The following METTL2B variants were observed in gnomAD, a reference collection of about 807,000 sequenced individuals.
The protein encoded by METTL2B is methyltransferase 2B, tRNA N3-cytidine.
Under a neutral mutation model 51.0 loss-of-function variants are expected in METTL2B, and 28 were observed. That is an observed-to-expected ratio of 0.55 (90% CI 0.41 to 0.75). The LOEUF (loss-of-function observed/expected upper bound fraction) is 0.75, where lower values mean the gene tolerates loss of function less well. METTL2B is among the 30% of genes least tolerant of loss of function. The probability of loss-of-function intolerance (pLI) is 0.00; values close to 1 mark genes in which losing one functional copy is unlikely to be tolerated. For missense variants in METTL2B, 313 were observed against 460.7 expected, an observed-to-expected ratio of 0.68 and a Z score of 2.93; for synonymous variants, 128 against 166.3, an observed-to-expected ratio of 0.77 and a Z score of 1.77.
intron 4 of METTL2B, among the ~76,000 whole-genome samples, chr7:128,485,361 C>T (rs1469115999): frequency 2.6e-5 from 4 of 151,998 alleles, no homozygotes; most frequent in African/African-American, 4.8e-5. Flanking sequence ...AGTGAGACCC[C>T]GTCTCTACAA....
intron 8 of METTL2B, chr7:128,501,287 T>C: frequency 1.0e-6 from 1 of 985,450 alleles, no homozygotes; most frequent in Non-Finnish European, 1.2e-6. Context: ...CACGGGGTTG[T>C]GCTTTGGTGT....
At chr7:128,496,622 T>C (rs1463469413) in intron 6 of METTL2B, among the ~76,000 whole-genome samples, 2 of 152,148 alleles carry the variant, frequency 1.3e-5, no homozygotes, top group East Asian at 1.9e-4. Flanking sequence ...AAACAAATTA[T>C]TAAAATTTAA....
At chr7:128,489,916 C>T (rs983811527) in intron 5 of METTL2B, among the ~76,000 whole-genome samples, 2 of 152,138 alleles carry the variant, frequency 1.3e-5, no homozygotes, top group Non-Finnish European at 2.9e-5. Flanking sequence ...GCGTGAGCCA[C>T]CGCGCCCGGC....
Position 128,504,377 on chromosome 7 carries a change from A to C in METTL2B, c.*2461A>C, listed in dbSNP as rs1584800096. ...TTTTTTTTTTTTTTTTTTGAGATGG[A>C]GTTTCGCTCTTGTTGCCCAGGCTGG... On this transcript the variant is annotated 3_prime_UTR_variant, in exon 9 of 9. Transcript: ENST00000262432. 9.6e-6 allele frequency: 1 copy of C among 104,070 alleles called. No individual in the cohort carries two copies. The highest frequency in any genetic ancestry group is 1.9e-5 in the Non-Finnish European group (1 of 53,124). The allele number at this position is 104,070 out of a possible 1,614,324, so 6.4% of individuals were successfully genotyped here. A position where few individuals can be genotyped will look rare whatever the true frequency, so the allele number is the denominator to read the frequency against.
chr7:128,492,943 T>G (rs1313724715), intron 5 of METTL2B, among the ~76,000 whole-genome samples: 1 of 152,034 alleles, frequency 6.6e-6, no homozygotes, highest in Non-Finnish European at 1.5e-5. Flanking sequence ...TCTCTCCTTA[T>G]GAATGTTTTT....
chr7:128,493,527 C>T (rs1230250899), intron 5 of METTL2B, among the ~76,000 whole-genome samples: 11 of 152,040 alleles, frequency 7.2e-5, no homozygotes, highest in Non-Finnish European at 1.6e-4. Context: ...CTTTCAATAG[C>T]AAAAACCACA....
At chr7:128,484,232 T>TTTTTTTTTTTTGTTTG (rs1584790609) in intron 4 of METTL2B, 3 of 83,558 alleles carry the variant, frequency 3.6e-5, no homozygotes, top group African/African-American at 1.5e-4. Flanking sequence ...TTTTTTTTTT[T>TTTTTTTTTTTTGTTTG]TTTTTTTTTT....
Position 128,479,307 on chromosome 7 carries a change from G to A in METTL2B, c.352G>A (p.Glu118Lys), listed in dbSNP as rs777446288. ...NQNHLKDWFL[E>K]NKSEVCECRN... is the part of the protein sequence containing the mutation. ...AAATCATTTGAAGGATTGGTTCTTGGAGAACAAGAGTGAAGTATGTGAATG... is the reference window on the plus strand; with the variant it reads ...AAATCATTTGAAGGATTGGTTCTTGAAGAACAAGAGTGAAGTATGTGAATG... The change falls in exon 3 of 9, where the codon GAG (glutamate) becomes AAG (lysine). Residue 118 changes from glutamate to lysine, a missense_variant. Coordinates refer to ENST00000262432, the MANE Select transcript of METTL2B (RefSeq NM_018396.3). The A allele has an allele frequency of 9.9e-6, 16 of 1,614,108 alleles. No individual in the cohort carries two copies. The Admixed American group carries it at 1.8e-4, about 18-fold the overall frequency.
chr7:128,482,415 A>G (rs182191158), intron 4 of METTL2B, among the ~76,000 whole-genome samples: 45 of 152,212 alleles, frequency 3.0e-4, no homozygotes, highest in African/African-American at 9.9e-4. Context: ...CGGCCTCCCA[A>G]AGTGCTGGGA....
intron 5 of METTL2B, among the ~76,000 whole-genome samples, chr7:128,490,885 G>C (rs1792815976): frequency 6.6e-6 from 1 of 152,150 alleles, no homozygotes; most frequent in Non-Finnish European, 1.5e-5. Flanking sequence ...TGTTATGGCT[G>C]GGTGCAGTGG....
At chr7:128,490,361 T>G (rs980305165) in intron 5 of METTL2B, among the ~76,000 whole-genome samples, 1 of 145,920 alleles carries the variant, frequency 6.9e-6, no homozygotes, top group Non-Finnish European at 1.5e-5. Context: ...GGTCTCACTG[T>G]GTTGTCCAGG....
At chr7:128,500,835 A>G in intron 7 of METTL2B, 68 bp from the exon 8 acceptor site, 1 of 1,588,954 alleles carries the variant, frequency 6.3e-7, no homozygotes, top group East Asian at 2.2e-5. Context: ...CTCAGTTAAC[A>G]TTCCTTAGCA....
Position 128,476,868 on chromosome 7 carries a change from A to T in METTL2B, c.103A>T (p.Asn35Tyr), listed in dbSNP as rs1799806353. The T allele has an allele frequency of 6.2e-7, 1 of 1,613,780 alleles. No individual in the cohort carries two copies. The highest frequency in any genetic ancestry group is 8.5e-7 in the Non-Finnish European group (1 of 1,179,950). ...LSDPARVFHH[N>Y]AWDNVEWSEE... ...CGATCCGGCGCGCGTCTTCCACCAC[A>T]ATGCCTGGTAATCACCCTGCCCCCT... is the stretch of plus-strand genomic sequence containing the variant. Residue 35 changes from asparagine to tyrosine, a missense_variant, in exon 1 of 9, where the codon AAT becomes TAT. Physicochemically the swap from Asn to Tyr is moderately radical, Grantham distance 143 (BLOSUM62 -2). This residue lies in a region of METTL2B where 66 missense variants were observed against 58.2 expected (regional missense o/e 1.13). Transcript: ENST00000262432.
chr7:128,497,541 G>A (rs34204464), intron 6 of METTL2B, among the ~76,000 whole-genome samples: 1,763 of 152,276 alleles, frequency 0.012, 18 homozygotes, highest in Non-Finnish European at 0.017. Flanking sequence ...GGAGGGCAGT[G>A]GTGCAATCTT....
chr7:128,484,977 C>A (rs1792673287), intron 4 of METTL2B, among the ~76,000 whole-genome samples: 1 of 152,114 alleles, frequency 6.6e-6, no homozygotes, highest in Admixed American at 6.6e-5. Context: ...ATCCCTATAC[C>A]CATTAGCAGT....
At chr7:128,497,471 A>G (rs546242126) in intron 6 of METTL2B, among the ~76,000 whole-genome samples, 32 of 152,148 alleles carry the variant, frequency 2.1e-4, no homozygotes, top group Middle Eastern at 3.4e-3. Context: ...AGAGCAGAGA[A>G]CTGTTGTTTG....
intron 4 of METTL2B, chr7:128,483,510 GA>G (rs1453077416): frequency 6.6e-6 from 1 of 152,320 alleles, no homozygotes; most frequent in African/African-American, 2.4e-5. Flanking sequence ...GAAGCATCTA[GA>G]AAACTTCCCT....
chr7:128,494,564 G>A (rs180815171), intron 6 of METTL2B, among the ~76,000 whole-genome samples: 27 of 152,284 alleles, frequency 1.8e-4, no homozygotes, highest in Admixed American at 1.5e-3. Flanking sequence ...ATCACATGCC[G>A]TTTTAGAACT....
At position 128,499,664 on chromosome 7, in the gene METTL2B, A is replaced by G. The variant is rs190372721; in HGVS notation, c.917-1239A>G. Among the ~76,000 whole-genome samples the G allele has an allele frequency of 7.1e-3, 629 of 88,908 alleles. 13 individuals carry two copies. The highest frequency in any genetic ancestry group is 0.02 in the African/African-American group (593 of 28,952). 58.3% of individuals were successfully genotyped at this position (88,908 alleles called of 152,430 possible). On this transcript the variant is annotated intron_variant, in intron 7 of 8. Coordinates refer to ENST00000262432, the MANE Select transcript of METTL2B (RefSeq NM_018396.3). ...CTCCCGAGTAGCCGAGACTACAGGC[A>G]TGTGCCACCACGCCTGGCTAATTTT...
Sources: allele counts gnomAD v4.1 joint callset (sites outside exome capture counted in the v4.1 genomes callset), GRCh38; gene constraint gnomAD v4.1.1; regional missense constraint gnomAD v4.1.1; transcripts MANE v1.5; gene names NCBI Gene and HGNC (gene_info 2026-07-23, HGNC 2026-07-21).